Variants in CACNB1 observed in about 807,000 individuals in gnomAD.
CACNB1 encodes the protein calcium voltage-gated channel auxiliary subunit beta 1, also known as voltage-dependent L-type calcium channel subunit beta-1.
CACNB1 carries 29 observed loss-of-function variants against 71.6 expected under a neutral mutation model. The observed-to-expected ratio is 0.40, with a 90% confidence interval of 0.30 to 0.55. The LOEUF (loss-of-function observed/expected upper bound fraction) is 0.55. CACNB1 is among the 20% of genes least tolerant of loss of function. The pLI is 0.38. For synonymous variants in CACNB1, 300 were observed against 319.6 expected, an observed-to-expected ratio of 0.94 and a Z score of 0.65; for missense variants, 623 against 801.8, an observed-to-expected ratio of 0.78 and a Z score of 2.69.
At position 39,196,918 on chromosome 17, in the gene CACNB1, G is replaced by A. The variant is rs569586332; in HGVS notation, c.84+494C>T. On this transcript the variant is annotated intron_variant, in intron 1 of 13. Transcript: ENST00000394303. Reference sequence around the variant, plus strand: ...TCTTTCCCCACCCTCGAGAACCAGTGTCTGCGGCTTTGAAGGCCTGTTGGC... The same window carrying A: ...TCTTTCCCCACCCTCGAGAACCAGTATCTGCGGCTTTGAAGGCCTGTTGGC... Among the ~76,000 whole-genome samples, 32 of 152,202 alleles carry A rather than the reference G, an allele frequency of 2.1e-4. 1 individual carries two copies. The South Asian group carries it at 6.0e-3, about 29-fold the overall frequency.
chr17:39,179,789 G>A (rs903751388), intron 11 of CACNB1, among the ~76,000 whole-genome samples: 1 of 151,822 alleles, frequency 6.6e-6, no homozygotes, highest in Non-Finnish European at 1.5e-5. Context: ...CATGCCTGTA[G>A]TCCCAGCTAC....
chr17:39,175,747 G>C lies in CACNB1; in HGVS notation c.1333-90C>G, dbSNP rs868429463. ...CAAGGCAAGTTAGTGACAGCATTAA[G>C]AGGTCCGGCCTGGATGAAGAGGGTG... is the stretch of plus-strand genomic sequence containing the variant. On this transcript the variant is annotated intron_variant, in intron 13 of 13. Coordinates refer to ENST00000394303, the MANE Select transcript of CACNB1 (RefSeq NM_000723.5). This position sits in a 1 kb window ranked among gnomAD's most constrained non-coding sequence, Gnocchi z 4.7. 2 of 1,082,202 alleles carry C rather than the reference G, an allele frequency of 1.8e-6. No homozygotes were observed. The highest frequency in any genetic ancestry group is 4.1e-4 in the Middle Eastern group (2 of 4,820). The allele number at this position is 1,082,202 out of a possible 1,614,324, so 67.0% of individuals were successfully genotyped here.
At chr17:39,179,400 A>G (rs778273355) in intron 11 of CACNB1, among the ~76,000 whole-genome samples, 1 of 151,236 alleles carries the variant, frequency 6.6e-6, no homozygotes. Flanking sequence ...CATCCTGGCC[A>G]ACATAGTGAA....
rs759027947 is a variant in CACNB1, at chr17:39,178,009, G to C, written c.1121C>G (p.Ser374Trp). Residue 374 changes from serine (S) to tryptophan (W), a missense_variant, in exon 12 of 14, where the codon TCG becomes TGG. By Grantham distance (177) the Ser-to-Trp change is radical. Transcript: ENST00000394303. ...AGGGGGGCACTGTGCCAGCTTTTCC[G>C]AGGCCGCTATTTGGACATTGAGGTG... ...SKHLNVQIAA[S>W]EKLAQCPPEM... is the part of the protein sequence containing the mutation. The C allele has an allele frequency of 2.5e-6, 4 of 1,614,020 alleles. No homozygotes were observed. Among genetic ancestry groups the C allele is most frequent in the Non-Finnish European group, 3.4e-6 (4 of 1,179,906 alleles).
intron 13 of CACNB1, among the ~76,000 whole-genome samples, chr17:39,176,441 C>A (rs923188517): frequency 1.3e-5 from 2 of 152,138 alleles, no homozygotes; most frequent in Middle Eastern, 3.2e-3. Flanking sequence ...ACCTGAGTAG[C>A]AGTTTCCAAA....
intron 12 of CACNB1, 73 bp downstream of exon 12, chr17:39,177,911 A>T: frequency 8.2e-7 from 1 of 1,212,828 alleles, no homozygotes; most frequent in Non-Finnish European, 1.2e-6. Context: ...CCTGTCTCTC[A>T]TGTAGGCCAG....
At chr17:39,176,318 G>A (rs2045577022) in intron 13 of CACNB1, among the ~76,000 whole-genome samples, 1 of 152,162 alleles carries the variant, frequency 6.6e-6, no homozygotes, top group Non-Finnish European at 1.5e-5. Flanking sequence ...ACGTGGAGGT[G>A]GGGCACAAGA....
chr17:39,188,065 C>A (rs913278730), intron 3 of CACNB1, among the ~76,000 whole-genome samples: 1 of 119,802 alleles, frequency 8.3e-6, no homozygotes, highest in African/African-American at 4.1e-5. Context: ...GAGGCCAAGG[C>A]AGGTGGATCG....
chr17:39,187,743 G>A (rs111508329), intron 3 of CACNB1, 142 bp from the exon 4 acceptor site: 2 of 997,300 alleles, frequency 2.0e-6, no homozygotes, highest in Non-Finnish European at 3.0e-6. Flanking sequence ...GCAGGGTGTG[G>A]TGGCTCACAC....
Position 39,186,843 on chromosome 17 carries a change from G to C in CACNB1, c.501C>G (p.Ser167Arg), listed in dbSNP as rs1179979992. 1 of 1,614,158 alleles carries C rather than the reference G, an allele frequency of 6.2e-7. No individual in the cohort carries two copies. The highest frequency in any genetic ancestry group is 1.1e-5 in the South Asian group (1 of 91,084). ...GCTTCTGTTCCTGCAGCAGGCGAAGGCTGTCCAGTTTGACGGGGCTGGGAA... is the reference window on the plus strand; with the variant it reads ...GCTTCTGTTCCTGCAGCAGGCGAAGCCTGTCCAGTTTGACGGGGCTGGGAA... ...GFIPSPVKLDSLRLLQEQKLR... is the reference protein window; with the variant it reads ...GFIPSPVKLDRLRLLQEQKLR... The change falls in exon 5 of 14, where the codon AGC becomes AGG. Residue 167 changes from serine to arginine, a missense_variant. Physicochemically the swap from Ser to Arg is moderately radical, Grantham distance 110. Coordinates refer to ENST00000394303, the MANE Select transcript of CACNB1 (RefSeq NM_000723.5). This position sits in a 1 kb window ranked among gnomAD's most constrained non-coding sequence, Gnocchi z 4.1.
intron 1 of CACNB1, among the ~76,000 whole-genome samples, chr17:39,196,705 C>A (rs1224685023): frequency 1.3e-5 from 2 of 151,928 alleles, no homozygotes; most frequent in Non-Finnish European, 2.9e-5. Context: ...GAAGTAGACC[C>A]CTCCCCCAGG....
At position 39,186,645 on chromosome 17, in the gene CACNB1, G is replaced by A. The variant is rs2045948596; in HGVS notation, c.552-73C>T. 3 of 1,510,848 alleles carry A rather than the reference G, an allele frequency of 2.0e-6. No individual in the cohort carries two copies. Among genetic ancestry groups the A allele is most frequent in the South Asian group, 2.4e-5 (2 of 85,026 alleles). The allele number at this position is 1,510,848 out of a possible 1,614,324, so 93.6% of individuals were successfully genotyped here. On this transcript the variant is annotated intron_variant, in intron 5 of 13. Transcript: ENST00000394303. The surrounding 1 kb of genome is among the most constrained non-coding windows in gnomAD (Gnocchi z 4.1). ...GGGGGGCTCTCATCCTCTCACATGC[G>A]GCACCCCCGGAGGTGCTCCAGCCCC...
At chr17:39,187,181 T>C (rs1467781443) in intron 4 of CACNB1, 1 of 600,266 alleles carries the variant, frequency 1.7e-6, no homozygotes, top group Non-Finnish European at 2.9e-6. Context: ...CTTCTCCCCA[T>C]GTGCCCACCC....
Position 39,187,601 on chromosome 17 carries a change from T to C in CACNB1, c.292A>G (p.Thr98Ala). 1 of 1,614,140 alleles carries C rather than the reference T, an allele frequency of 6.2e-7. No homozygotes were observed. Among genetic ancestry groups the C allele is most frequent in the African/African-American group, 1.3e-5 (1 of 75,032 alleles). The change falls in exon 4 of 14, where the codon ACC becomes GCC. Residue 98 changes from threonine to alanine, a missense_variant and splice_region_variant. Transcript: ENST00000394303. ...CGCACAGCAAATGCCACTGGCTTGG[T>C]CTAGAGGAGGCACACAGGGGAGGAT... The part of the protein sequence containing the change: ...QALAQLEKAK[T>A]KPVAFAVRTN...
chr17:39,183,338 AAGAAG>A (rs1041549517), intron 11 of CACNB1, among the ~76,000 whole-genome samples: 78 of 116,752 alleles, frequency 6.7e-4, no homozygotes, highest in African/African-American at 3.0e-3. Flanking sequence ...ACTTAAAAAA[AAGAAG>A]AAGAAGAAGA....
chr17:39,187,381 C>A, intron 4 of CACNB1, 98 bp downstream of exon 4: 1 of 1,396,230 alleles, frequency 7.2e-7, no homozygotes, highest in Middle Eastern at 1.9e-4. Flanking sequence ...ACAGCAGATT[C>A]AGCCTGGCTC....
intron 3 of CACNB1, among the ~76,000 whole-genome samples, chr17:39,189,660 G>C (rs2046025240): frequency 6.6e-6 from 1 of 151,186 alleles, no homozygotes; most frequent in African/African-American, 2.4e-5. Flanking sequence ...CATCACACCT[G>C]GCTAGTTTTG....
intron 11 of CACNB1, among the ~76,000 whole-genome samples, chr17:39,182,599 G>A (rs1013626231): frequency 3.3e-5 from 5 of 151,564 alleles, no homozygotes; most frequent in African/African-American, 7.3e-5. Context: ...CCACTCAGGA[G>A]GCTGAGGCAG....
intron 11 of CACNB1, among the ~76,000 whole-genome samples, chr17:39,180,277 C>A (rs1034778447): frequency 1.6e-4 from 24 of 148,314 alleles, no homozygotes; most frequent in East Asian, 6.0e-4. Context: ...AAAAAAAAAA[C>A]CAAATATGGA....
Sources: gnomAD v4.1 joint callset for allele counts (sites outside exome capture counted in the v4.1 genomes callset) on GRCh38, gnomAD v4.1.1 for gene constraint, Gnocchi (gnomAD v3.1) non-coding constraint, MANE v1.5 for transcripts, NCBI Gene and HGNC (gene_info 2026-07-23, HGNC 2026-07-21) for gene names.